Variants in PLPPR5 observed in about 807,000 individuals in gnomAD.
The protein encoded by PLPPR5 is phospholipid phosphatase related 5.
In PLPPR5, 16 loss-of-function variants were observed where a neutral mutation model predicts 33.9. The ratio of observed to expected loss-of-function variants is 0.47; its 90% CI spans 0.32 to 0.72. The LOEUF is 0.72. PLPPR5 is among the 30% of genes least tolerant of loss of function. The probability of loss-of-function intolerance (pLI) is 0.03; values close to 1 mark genes in which losing one functional copy is unlikely to be tolerated. For missense variants in PLPPR5, 301 were observed against 406.7 expected (o/e 0.74, Z 2.23); for synonymous variants, 163 against 150.3 (o/e 1.08, Z -0.62).
At chr1:98,912,517 C>A (rs754562143) in intron 5 of PLPPR5, among the ~76,000 whole-genome samples, 20 of 152,066 alleles carry the variant, frequency 1.3e-4, no homozygotes, top group Non-Finnish European at 2.9e-4. Context: ...AGGGAATGTC[C>A]AGGGCAAGAG....
chr1:98,955,327 T>C (rs148240629), intron 2 of PLPPR5, among the ~76,000 whole-genome samples: 12 of 152,224 alleles, frequency 7.9e-5, no homozygotes, highest in Admixed American at 3.3e-4. Context: ...CAGAAAAATA[T>C]TTTACTTAAA....
At chr1:98,942,290 G>A (rs1033342867) in intron 3 of PLPPR5, among the ~76,000 whole-genome samples, 15 of 152,030 alleles carry the variant, frequency 9.9e-5, no homozygotes, top group African/African-American at 2.9e-4. Flanking sequence ...TGATCTGCCC[G>A]CCTTGGCCTC....
intron 3 of PLPPR5, among the ~76,000 whole-genome samples, chr1:98,948,084 C>T (rs984829215): frequency 6.6e-6 from 1 of 152,200 alleles, no homozygotes; most frequent in Admixed American, 6.5e-5. Flanking sequence ...ACTCCAGACA[C>T]AATCCCTGAC....
intron 3 of PLPPR5, among the ~76,000 whole-genome samples, chr1:98,942,765 A>G (rs1650422918): frequency 6.6e-6 from 1 of 152,206 alleles, no homozygotes; most frequent in South Asian, 2.1e-4. Flanking sequence ...TCATGTGAGA[A>G]CTGAAGGCCC....
At chr1:98,971,402 GA>G (rs541336482) in intron 1 of PLPPR5, among the ~76,000 whole-genome samples, 10 of 148,306 alleles carry the variant, frequency 6.7e-5, no homozygotes, top group Admixed American at 2.7e-4. Flanking sequence ...AAATGTTAAG[GA>G]AAAAAAAAAG....
At chr1:98,905,144 T>C (rs2200013) in intron 5 of PLPPR5, among the ~76,000 whole-genome samples, 150,040 of 152,264 alleles carry the variant, frequency 0.99, 73,959 homozygotes, top group East Asian at 1. Context: ...CTACTCACTT[T>C]CTTAAAGTCC....
intron 1 of PLPPR5, among the ~76,000 whole-genome samples, chr1:98,984,589 A>G (rs1407294770): frequency 6.6e-6 from 1 of 152,108 alleles, no homozygotes; most frequent in East Asian, 1.9e-4. Context: ...CTTGTGCAGA[A>G]GCTTCTAAAA....
chr1:98,998,480 C>T (rs1486798314), intron 1 of PLPPR5, among the ~76,000 whole-genome samples: 1 of 152,172 alleles, frequency 6.6e-6, no homozygotes, highest in Non-Finnish European at 1.5e-5. Context: ...AGGAAACAAA[C>T]GATTTCCTAC....
At position 99,004,666 on chromosome 1, in the gene PLPPR5, G is replaced by A. The variant is rs1391486077; in HGVS notation, c.6C>T (p.Pro2=). Residue 2 remains proline (P), a synonymous_variant, in exon 1 of 6, where the codon CCC becomes CCT. Transcript: ENST00000263177. The part of the protein sequence containing the change: M[P]LLPAALTSSM... The stretch of plus-strand genomic sequence containing the variant: ...TGCTGGTGAGCGCCGCGGGCAGCAG[G>A]GGCATGCACGCCTCCCGGGCCGGGC... The A allele has an allele frequency of 6.2e-7, 1 of 1,602,402 alleles. No individual in the cohort carries two copies. Among genetic ancestry groups the A allele is most frequent in the South Asian group, 1.1e-5 (1 of 89,928 alleles).
chr1:98,914,594 C>A (rs528304356), intron 5 of PLPPR5, among the ~76,000 whole-genome samples, 192 bp downstream of exon 5: 2 of 152,116 alleles, frequency 1.3e-5, no homozygotes, highest in East Asian at 3.9e-4. Flanking sequence ...TTGTGACCGG[C>A]CTACAAACAG....
chr1:98,901,329 A>T (rs1318766534), intron 5 of PLPPR5, among the ~76,000 whole-genome samples: 3 of 152,164 alleles, frequency 2.0e-5, no homozygotes, highest in Non-Finnish European at 4.4e-5. Flanking sequence ...GAAGGCTGAA[A>T]CATTTGGGAC....
chr1:98,899,952 TTTG>T (rs1648631099), intron 5 of PLPPR5, among the ~76,000 whole-genome samples: 1 of 152,096 alleles, frequency 6.6e-6, no homozygotes, highest in Admixed American at 6.6e-5. Context: ...GTCTTCTAAG[TTTG>T]TTAACCTCCT....
rs1324349714 is a variant in PLPPR5, at chr1:98,967,834, G to A, written c.238-11093C>T. 2.0e-5 allele frequency among the ~76,000 whole-genome samples: 3 copies of A among 152,062 alleles called. No individual in the cohort carries two copies. In the East Asian group the frequency reaches 5.8e-4, roughly 29 times the overall value. On this transcript the variant is annotated intron_variant, in intron 1 of 5. Transcript: ENST00000263177. ...TAGCCCTGAAGGCTCTTTCTAAGTC[G>A]TATCTGCGATGGATTAGTGTTTTTG...
intron 5 of PLPPR5, among the ~76,000 whole-genome samples, chr1:98,904,596 C>T (rs1218798122): frequency 1.3e-5 from 2 of 151,912 alleles, no homozygotes; most frequent in African/African-American, 4.8e-5. Flanking sequence ...ATGGATAATT[C>T]ATATATTATC....
intron 3 of PLPPR5, among the ~76,000 whole-genome samples, chr1:98,933,664 C>T (rs903863917): frequency 3.3e-5 from 5 of 152,078 alleles, no homozygotes; most frequent in Non-Finnish European, 5.9e-5. Flanking sequence ...GGCAGGAAGG[C>T]ATTTACATCT....
chr1:98,917,594 G>A (rs1649404863), intron 4 of PLPPR5, among the ~76,000 whole-genome samples: 1 of 152,074 alleles, frequency 6.6e-6, no homozygotes, highest in Non-Finnish European at 1.5e-5. Context: ...CTGCTGTTTA[G>A]ATACTCCTCA....
intron 3 of PLPPR5, among the ~76,000 whole-genome samples, chr1:98,922,696 CTT>C (rs2101163289): frequency 6.6e-6 from 1 of 152,226 alleles, no homozygotes; most frequent in South Asian, 2.1e-4. Flanking sequence ...CAATAAAACA[CTT>C]AAGTAGGCCG....
chr1:98,918,851 C>T (rs1260782531), intron 4 of PLPPR5, among the ~76,000 whole-genome samples: 1 of 152,082 alleles, frequency 6.6e-6, no homozygotes, highest in Non-Finnish European at 1.5e-5. Context: ...TTAATCATTC[C>T]TTCATGTATT....
chr1:98,998,746 A>G (rs959134122), intron 1 of PLPPR5, among the ~76,000 whole-genome samples: 1 of 152,224 alleles, frequency 6.6e-6, no homozygotes. Context: ...AATCTCTTTC[A>G]TAAATTTGTT....
Sources: gnomAD v4.1 joint callset for allele counts (sites outside exome capture counted in the v4.1 genomes callset) on GRCh38, gnomAD v4.1.1 for gene constraint, MANE v1.5 for transcripts, NCBI Gene and HGNC (gene_info 2026-07-23, HGNC 2026-07-21) for gene names.